The following PALB2 variants were observed in gnomAD, a reference collection of about 807,000 sequenced individuals.
PALB2 encodes mutant partner and localizer of BRCA2.
Under a neutral mutation model 107.4 loss-of-function variants are expected in PALB2, and 82 were observed. The ratio of observed to expected loss-of-function variants is 0.76; its 90% CI spans 0.64 to 0.92. The LOEUF (loss-of-function observed/expected upper bound fraction) is 0.92, where lower values mean the gene tolerates loss of function less well. Among genes scored for constraint, PALB2 ranks in the 40% least tolerant of loss-of-function variants. PALB2 has a pLI of 0.00. For synonymous variants in PALB2, 489 were observed against 496.8 expected, an observed-to-expected ratio of 0.98 and a Z score of 0.21; for missense variants, 1,374 against 1,379.9, an observed-to-expected ratio of 1.00 and a Z score of 0.07.
At chr16:23,608,371 T>G (rs1205013301) in intron 11 of PALB2, among the ~76,000 whole-genome samples, 1 of 152,130 alleles carries the variant, frequency 6.6e-6, no homozygotes, top group East Asian at 1.9e-4. Context: ...TAGCTTTAGC[T>G]TCTCCTGCTT....
intron 10 of PALB2, among the ~76,000 whole-genome samples, chr16:23,617,329 T>C (rs1347785926): frequency 6.6e-6 from 1 of 151,970 alleles, no homozygotes; most frequent in Non-Finnish European, 1.5e-5. Context: ...ACCCTAAACA[T>C]GGAGCTAAGG....
At chr16:23,617,554 T>C (rs1966705231) in intron 10 of PALB2, 1 of 146,930 alleles carries the variant, frequency 6.8e-6, no homozygotes. Context: ...ACCCTGTCTC[T>C]ACAAAAAAAA....
intron 7 of PALB2, among the ~76,000 whole-genome samples, chr16:23,624,872 T>C (rs1966838938): frequency 6.6e-6 from 1 of 152,102 alleles, no homozygotes; most frequent in Non-Finnish European, 1.5e-5. Context: ...CACACTAAGA[T>C]TGCAAGCTTG....
At chr16:23,615,686 T>C (rs1474068282) in intron 10 of PALB2, among the ~76,000 whole-genome samples, 3 of 151,958 alleles carry the variant, frequency 2.0e-5, no homozygotes, top group Non-Finnish European at 4.4e-5. Context: ...TTTTTTGAGA[T>C]GGAGTTTTGT....
intron 11 of PALB2, among the ~76,000 whole-genome samples, chr16:23,611,163 G>C (rs1242427585): frequency 1.3e-5 from 2 of 151,142 alleles, no homozygotes; most frequent in Non-Finnish European, 2.9e-5. Context: ...CTTTTGTTTT[G>C]AGACAGAGTC....
intron 1 of PALB2, chr16:23,638,599 T>A (rs553353257): frequency 4.4e-6 from 2 of 455,050 alleles, no homozygotes; most frequent in African/African-American, 4.0e-5. Context: ...GTACCTGGAA[T>A]AATAATTGAT....
At chr16:23,607,656 AC>A (rs1288138941) in intron 12 of PALB2, among the ~76,000 whole-genome samples, 1 of 151,850 alleles carries the variant, frequency 6.6e-6, no homozygotes, top group Non-Finnish European at 1.5e-5. Context: ...AACCTATATA[AC>A]CCCATACTAG....
chr16:23,638,336 C>A (rs1028494664), intron 1 of PALB2: 1 of 619,148 alleles, frequency 1.6e-6, no homozygotes, highest in Middle Eastern at 2.6e-4. Context: ...ACATGTCCTT[C>A]CTTTGCCAAT....
At chr16:23,611,125 A>ATCTATCT (rs1567208519) in intron 11 of PALB2, among the ~76,000 whole-genome samples, 37 of 117,586 alleles carry the variant, frequency 3.1e-4, no homozygotes, top group African/African-American at 1.1e-3. Context: ...TCTATCTATC[A>ATCTATCT]ATCTATCTAT....
intron 10 of PALB2, among the ~76,000 whole-genome samples, chr16:23,619,155 A>G (rs1966731460): frequency 6.6e-6 from 1 of 152,228 alleles, no homozygotes; most frequent in African/African-American, 2.4e-5. Context: ...CTCTGGCCCT[A>G]AGGAAACAGT....
chr16:23,627,860 A>G (rs372086835), intron 6 of PALB2, among the ~76,000 whole-genome samples: 4 of 152,346 alleles, frequency 2.6e-5, no homozygotes, highest in African/African-American at 9.6e-5. Context: ...GATTTTAATA[A>G]TCTATAAGAA....
Position 23,625,747 on chromosome 16 carries a change from G to A in PALB2, c.2748+489C>T, listed in dbSNP as rs565612356. On this transcript the variant is annotated intron_variant, in intron 7 of 12. Coordinates refer to ENST00000261584, the MANE Select transcript of PALB2 (RefSeq NM_024675.4). ...GGGCGGCAGAGGTTGACAGTGAGCC[G>A]AGATCATGCCACTGCACTCCAGCCT... Among the ~76,000 whole-genome samples the A allele has an allele frequency of 3.3e-4, 50 of 151,192 alleles. No individual in the cohort carries two copies. The South Asian group carries it at 9.5e-3, about 29-fold the overall frequency.
chr16:23,630,615 T>A, intron 4 of PALB2, 146 bp from the exon 5 acceptor site: 4 of 726,038 alleles, frequency 5.5e-6, no homozygotes, highest in Non-Finnish European at 9.1e-6. Flanking sequence ...AACTTAATGT[T>A]TACAATGAAG....
chr16:23,608,797 T>TACACAC (rs1310999089), intron 11 of PALB2, among the ~76,000 whole-genome samples: 3 of 111,378 alleles, frequency 2.7e-5, no homozygotes, highest in East Asian at 5.1e-4. Flanking sequence ...TGTGTGTATA[T>TACACAC]ATATACACAC....
chr16:23,621,322 CT>C (rs1473668057), intron 10 of PALB2, 39 bp downstream of exon 10: 1 of 1,270,866 alleles, frequency 7.9e-7, no homozygotes, highest in East Asian at 2.3e-5. Flanking sequence ...TATCCTCATA[CT>C]ACAGATGAGG....
At chr16:23,610,809 G>A (rs192324555) in intron 11 of PALB2, among the ~76,000 whole-genome samples, 22 of 151,902 alleles carry the variant, frequency 1.4e-4, no homozygotes, top group African/African-American at 4.6e-4. Context: ...AGCGTGAGGC[G>A]GGTGGATCAC....
intron 10 of PALB2, among the ~76,000 whole-genome samples, chr16:23,615,875 G>C (rs1306825930): frequency 6.6e-6 from 1 of 152,142 alleles, no homozygotes; most frequent in East Asian, 1.9e-4. Context: ...TGTCGGCCAG[G>C]CTGGTCTCAA....
chr16:23,609,908 C>A (rs1370831509), intron 11 of PALB2, among the ~76,000 whole-genome samples: 1 of 151,890 alleles, frequency 6.6e-6, no homozygotes, highest in Non-Finnish European at 1.5e-5. Flanking sequence ...GAATTCCTGG[C>A]CTCAAGCAAT....
chr16:23,604,849 A>C (rs980560314), intron 12 of PALB2, among the ~76,000 whole-genome samples: 1 of 151,814 alleles, frequency 6.6e-6, no homozygotes, highest in Non-Finnish European at 1.5e-5. Context: ...CAAGGCAGGC[A>C]GATCACCTGA....
Sources: gnomAD v4.1 joint callset for allele counts (sites outside exome capture counted in the v4.1 genomes callset) on GRCh38, gnomAD v4.1.1 for gene constraint, MANE v1.5 for transcripts, NCBI Gene and HGNC (gene_info 2026-07-23, HGNC 2026-07-21) for gene names.